GALNT16: variants seen among roughly 807,000 people sequenced by gnomAD.
GALNT16 encodes UDP-GalNAc:polypeptide N-acetylgalactosaminyltransferase-like protein 1.
Under a neutral mutation model 76.1 loss-of-function variants are expected in GALNT16, and 40 were observed. The ratio of observed to expected loss-of-function variants is 0.53; its 90% CI spans 0.41 to 0.68. The LOEUF (loss-of-function observed/expected upper bound fraction) is 0.68. Ranked by LOEUF, GALNT16 falls within the 30% of genes least tolerant of loss-of-function variation. GALNT16 has a pLI of 0.00. For synonymous variants in GALNT16, 276 were observed against 285.2 expected, an observed-to-expected ratio of 0.97 and a Z score of 0.32; for missense variants, 621 against 731.9, an observed-to-expected ratio of 0.85 and a Z score of 1.75.
At chr14:69,342,528 AG>A (rs2045506776) in intron 12 of GALNT16, among the ~76,000 whole-genome samples, 2 of 93,188 alleles carry the variant, frequency 2.1e-5, no homozygotes, top group African/African-American at 3.3e-5. Flanking sequence ...GGAGAGGGAG[AG>A]GAAAAGAAAA....
chr14:69,347,314 T>G, intron 13 of GALNT16, 133 bp downstream of exon 13: 26 of 755,964 alleles, frequency 3.4e-5, no homozygotes, highest in Non-Finnish European at 5.0e-5. Context: ...CAGGGGCCCC[T>G]AGACCCTGCT....
intron 1 of GALNT16, among the ~76,000 whole-genome samples, chr14:69,292,532 G>C (rs2044699634): frequency 6.6e-6 from 1 of 152,220 alleles, no homozygotes; most frequent in Non-Finnish European, 1.5e-5. Flanking sequence ...ACACCAAGAC[G>C]AGTCTCCTTC....
chr14:69,321,563 C>A (rs540841047), intron 2 of GALNT16, among the ~76,000 whole-genome samples: 4 of 152,302 alleles, frequency 2.6e-5, no homozygotes, highest in South Asian at 2.1e-4. Context: ...CACCACCCCC[C>A]GCTCCCCATG....
At chr14:69,338,517 T>C (rs2045442422) in intron 9 of GALNT16, 134 bp from the exon 10 acceptor site, 1 of 1,245,402 alleles carries the variant, frequency 8.0e-7, no homozygotes, top group Non-Finnish European at 1.1e-6. Context: ...GAGCACTCCA[T>C]TTGAGCAGGC....
At position 69,333,144 on chromosome 14, in the gene GALNT16, C is replaced by A; in HGVS notation, c.838C>A (p.Arg280=). Residue 280 remains arginine (R), a synonymous_variant, in exon 8 of 15, where the codon CGG becomes AGG. Coordinates refer to ENST00000448469, the MANE Select transcript of GALNT16 (RefSeq NM_001168368.2). The surrounding 1 kb of genome is among the most constrained non-coding windows in gnomAD (Gnocchi z 4.2). ...EQIPLEQKMT[R]TDPTRPIRTP... ...GATCCCTCTTGAGCAGAAGATGACC[C>A]GGACAGACCCCACCAGGCCCATAAG... 1 of 1,612,876 alleles carries A rather than the reference C, an allele frequency of 6.2e-7. No homozygotes were observed. Among genetic ancestry groups the A allele is most frequent in the East Asian group, 2.2e-5 (1 of 44,872 alleles).
rs756418904 is a variant in GALNT16 at position 69,260,266 on chromosome 14, C to G, written c.-25C>G. 2.5e-6 allele frequency: 4 copies of G among 1,609,106 alleles called. No homozygotes were observed. Among genetic ancestry groups the G allele is most frequent in the African/African-American group, 1.3e-5 (1 of 74,866 alleles). On this transcript the variant is annotated 5_prime_UTR_variant, in exon 1 of 15. Transcript: ENST00000448469. ...CCGAGAGCACGCCGGCCCAGTCCCC[C>G]ACCTGGGGCGCCCGTCTGCCCACCA...
At chr14:69,346,751 G>T (rs1451630853) in intron 12 of GALNT16, among the ~76,000 whole-genome samples, 1 of 152,178 alleles carries the variant, frequency 6.6e-6, no homozygotes, top group African/African-American at 2.4e-5. Flanking sequence ...GAGGGGCTCT[G>T]TTTTTCCAGC....
rs370559437 is a variant in GALNT16 at position 69,347,913 on chromosome 14, G to A, written c.1450G>A (p.Gly484Arg). ...LFSDHLIQQQ[G>R]KCLAATSTLM... is the part of the protein sequence containing the mutation. ...CAGTGACCACCTCATCCAGCAGCAG[G>A]GGAAGTGCCTGGCTGCCACCTCCAC... is the stretch of plus-strand genomic sequence containing the variant. Residue 484 changes from glycine to arginine, a missense_variant, in exon 14 of 15, where the codon GGG becomes AGG. Gly to Arg is a moderately radical substitution (Grantham distance 125, BLOSUM62 -2). Coordinates refer to ENST00000448469, the MANE Select transcript of GALNT16 (RefSeq NM_001168368.2). 10 of 1,613,850 alleles carry A rather than the reference G, an allele frequency of 6.2e-6. No individual in the cohort carries two copies. The highest frequency in any genetic ancestry group is 1.3e-5 in the African/African-American group (1 of 74,930).
chr14:69,340,061 G>A (rs573017896), intron 11 of GALNT16, among the ~76,000 whole-genome samples: 5 of 152,316 alleles, frequency 3.3e-5, no homozygotes, highest in East Asian at 1.9e-4. Context: ...TTAGTGGGTC[G>A]TGACCAGCAT....
At chr14:69,309,464 G>A (rs1455675311) in intron 1 of GALNT16, among the ~76,000 whole-genome samples, 2 of 151,860 alleles carry the variant, frequency 1.3e-5, no homozygotes, top group East Asian at 1.9e-4. Flanking sequence ...ATCATACCTG[G>A]ATTATTTTTA....
chr14:69,343,364 T>A (rs1275688), intron 12 of GALNT16, among the ~76,000 whole-genome samples: 111,685 of 152,122 alleles, frequency 0.73, 41,539 homozygotes, highest in Non-Finnish European at 0.8. Context: ...TGATTAACCC[T>A]GATAATTATA....
intron 12 of GALNT16, among the ~76,000 whole-genome samples, chr14:69,343,852 G>A (rs994604654): frequency 2.2e-4 from 34 of 152,360 alleles, no homozygotes; most frequent in African/African-American, 7.5e-4. Flanking sequence ...AACCTGGCTC[G>A]ATCACAAGGC....
chr14:69,263,899 A>G (rs74059926), intron 1 of GALNT16, among the ~76,000 whole-genome samples: 3,030 of 152,346 alleles, frequency 0.02, 113 homozygotes, highest in African/African-American at 0.07. Flanking sequence ...TACCCGATGC[A>G]GCGAGGCAGT....
chr14:69,377,273 G>C, the GALNT16 span, among the ~76,000 whole-genome samples: 1 of 152,166 alleles, frequency 6.6e-6, no homozygotes. Flanking sequence ...GGTCTTTGAG[G>C]TTAAAACCTT....
intron 1 of GALNT16, among the ~76,000 whole-genome samples, chr14:69,313,921 G>A (rs2045063988): frequency 6.6e-6 from 1 of 152,200 alleles, no homozygotes; most frequent in African/African-American, 2.4e-5. Context: ...TAGCCTTTAA[G>A]GTCCCTCGTA....
At chr14:69,367,645 A>G in the GALNT16 span, among the ~76,000 whole-genome samples, 2 of 128,928 alleles carry the variant, frequency 1.6e-5, no homozygotes, top group Non-Finnish European at 3.3e-5. Context: ...TGTGCAAGGC[A>G]AAAAAAAAAA....
intron 1 of GALNT16, among the ~76,000 whole-genome samples, chr14:69,283,771 T>G (rs1293929920): frequency 6.6e-6 from 1 of 152,206 alleles, no homozygotes; most frequent in Non-Finnish European, 1.5e-5. Context: ...CAACACTTAG[T>G]AAGTGCTGCA....
chr14:69,367,019 GTGTATGAGCCTTGAGGAATGAGA>G, the GALNT16 span, among the ~76,000 whole-genome samples: 2 of 152,140 alleles, frequency 1.3e-5, no homozygotes, highest in Non-Finnish European at 2.9e-5. Flanking sequence ...AAGGGTTAAA[GTGTATGAGCCTTGAGGAATGAGA>G]TGTACCCCTA....
chr14:69,283,049 G>A (rs1374406390), intron 1 of GALNT16, among the ~76,000 whole-genome samples: 1 of 152,214 alleles, frequency 6.6e-6, no homozygotes, highest in Non-Finnish European at 1.5e-5. Flanking sequence ...AAGGCCATCT[G>A]TGGTGTTCAC....
Sources: gnomAD v4.1 joint callset for allele counts (sites outside exome capture counted in the v4.1 genomes callset) on GRCh38, gnomAD v4.1.1 for gene constraint, Gnocchi (gnomAD v3.1) non-coding constraint, MANE v1.5 for transcripts, NCBI Gene and HGNC (gene_info 2026-07-23, HGNC 2026-07-21) for gene names.